Variants in LHPP observed in about 807,000 individuals in gnomAD.
LHPP encodes phospholysine phosphohistidine inorganic pyrophosphate phosphatase, also known as hLHPP.
Under a neutral mutation model 30.3 loss-of-function variants are expected in LHPP, and 24 were observed. That is an observed-to-expected ratio of 0.79 (90% CI 0.57 to 1.11). The LOEUF is 1.11. Among genes scored for constraint, LHPP ranks in the 50% most tolerant of loss-of-function variants. The probability of loss-of-function intolerance (pLI) is 0.00; values close to 1 mark genes in which losing one functional copy is unlikely to be tolerated. For synonymous variants in LHPP, 150 were observed against 157.1 expected (o/e 0.95, Z 0.34); for missense variants, 356 against 367.2 (o/e 0.97, Z 0.25).
At chr10:124,577,676 A>ACATGCACACATGTGGAAATACACATG (rs1948682160) in intron 6 of LHPP, among the ~76,000 whole-genome samples, 1 of 144,118 alleles carries the variant, frequency 6.9e-6, no homozygotes, top group African/African-American at 2.5e-5. Flanking sequence ...GTGCACACAT[A>ACATGCACACATGTGGAAATACACATG]CATGCACACA....
intron 1 of LHPP, among the ~76,000 whole-genome samples, chr10:124,482,640 C>T (rs112833458): frequency 0.09 from 13,646 of 151,966 alleles, 748 homozygotes; most frequent in Non-Finnish European, 0.11. Context: ...TGACCCACCC[C>T]GCCTGCCTCT....
At chr10:124,553,514 C>T (rs1054685442) in intron 6 of LHPP, among the ~76,000 whole-genome samples, 2 of 136,926 alleles carry the variant, frequency 1.5e-5, no homozygotes, top group East Asian at 2.2e-4. Flanking sequence ...GCTGGAGTGC[C>T]GTGGCACAAT....
chr10:124,496,544 AATT>A lies in LHPP; in HGVS notation c.468-412_468-410del. Among the ~76,000 whole-genome samples, 1 of 152,126 alleles carries A rather than the reference AATT, an allele frequency of 6.6e-6. No homozygotes were observed. The highest frequency in any genetic ancestry group is 2.1e-4 in the South Asian group (1 of 4,824). On this transcript the variant is annotated intron_variant, in intron 3 of 6. Coordinates refer to ENST00000368842, the MANE Select transcript of LHPP (RefSeq NM_022126.4). The surrounding 1 kb of genome is among the most constrained non-coding windows in gnomAD (Gnocchi z 4.3). ...CTTCTTCAGCCAGCAATTAGGGGTT[AATT>A]ATTAGCAATTAGGGGTTCGCCACAT...
chr10:124,548,127 A>G (rs543799283), intron 6 of LHPP, among the ~76,000 whole-genome samples: 1 of 152,272 alleles, frequency 6.6e-6, no homozygotes, highest in African/African-American at 2.4e-5. Flanking sequence ...CAGAAAACCT[A>G]CGTAAGCACT....
chr10:124,568,545 G>A (rs1331519489), intron 6 of LHPP, among the ~76,000 whole-genome samples: 3 of 152,306 alleles, frequency 2.0e-5, no homozygotes, highest in African/African-American at 7.2e-5. Context: ...GTGGAGAGGT[G>A]TGGCCACTTC....
At position 124,593,416 on chromosome 10, in the gene LHPP, A is replaced by C. The variant is rs777595061; in HGVS notation, c.717-19848A>C. 6.6e-6 allele frequency among the ~76,000 whole-genome samples: 1 copy of C among 152,036 alleles called. No individual in the cohort carries two copies. The highest frequency in any genetic ancestry group is 1.5e-5 in the Non-Finnish European group (1 of 67,996). ...TCAGTTTCCACACCTGAGATGGGAG[A>C]GGTTGCATCCTAAAGGCCCTCCATC... On this transcript the variant is annotated intron_variant, in intron 6 of 6. Coordinates refer to ENST00000368842, the MANE Select transcript of LHPP (RefSeq NM_022126.4). The surrounding 1 kb of genome is among the most constrained non-coding windows in gnomAD (Gnocchi z 4.9).
chr10:124,538,305 G>A (rs563228975), intron 6 of LHPP, among the ~76,000 whole-genome samples: 3 of 152,294 alleles, frequency 2.0e-5, no homozygotes, highest in African/African-American at 7.2e-5. Context: ...CCCTGGGCCT[G>A]AGCAGCTCCC....
rs142780120 is a variant in LHPP, at chr10:124,578,188, T to C, written c.717-35076T>C. ...GTCACCTCCAGGAAGCCTTCACAGG[T>C]TGCTCCCTGCTGATAGCCTTGACCT... On this transcript the variant is annotated intron_variant, in intron 6 of 6. Coordinates refer to ENST00000368842, the MANE Select transcript of LHPP (RefSeq NM_022126.4). Among the ~76,000 whole-genome samples the C allele has an allele frequency of 2.8e-4, 42 of 152,302 alleles. 2 individuals are homozygous for C. In the East Asian group the frequency reaches 7.9e-3, roughly 29 times the overall value.
At chr10:124,499,980 A>G (rs953684916) in intron 5 of LHPP, among the ~76,000 whole-genome samples, 1 of 152,054 alleles carries the variant, frequency 6.6e-6, no homozygotes, top group African/African-American at 2.4e-5. Context: ...TGTGTTTTGA[A>G]TGAGTGAGAA....
Position 124,594,394 on chromosome 10 carries a change from C to T in LHPP, c.717-18870C>T, listed in dbSNP as rs1341326633. Among the ~76,000 whole-genome samples, 9 of 149,330 alleles carry T rather than the reference C, an allele frequency of 6.0e-5. No homozygotes were observed. The East Asian group carries it at 1.2e-3, about 20-fold the overall frequency. On this transcript the variant is annotated intron_variant, in intron 6 of 6. Coordinates refer to ENST00000368842, the MANE Select transcript of LHPP (RefSeq NM_022126.4). ...CAAGGGAACTTAAAAGAAAAAAGTG[C>T]ATGTTTAGACAGTTGTTCATTTCCT...
intron 1 of LHPP, among the ~76,000 whole-genome samples, chr10:124,469,723 C>T (rs575848965): frequency 6.6e-6 from 1 of 152,096 alleles, no homozygotes; most frequent in African/African-American, 2.4e-5. Flanking sequence ...ACTAAAGACA[C>T]CATCCTAGGC....
At chr10:124,525,984 C>T (rs1589829661) in intron 6 of LHPP, among the ~76,000 whole-genome samples, 1 of 152,102 alleles carries the variant, frequency 6.6e-6, no homozygotes, top group South Asian at 2.1e-4. Flanking sequence ...AGAGTGAGGC[C>T]ACAAGGCCTG....
intron 1 of LHPP, among the ~76,000 whole-genome samples, chr10:124,483,067 A>G (rs1953193182): frequency 6.6e-6 from 1 of 151,970 alleles, no homozygotes; most frequent in African/African-American, 2.4e-5. Context: ...GCCCAGGTGC[A>G]GCCTGGATTC....
chr10:124,493,152 C>G (rs1953584163), intron 3 of LHPP, among the ~76,000 whole-genome samples: 1 of 150,250 alleles, frequency 6.7e-6, no homozygotes, highest in African/African-American at 2.4e-5. Flanking sequence ...TCGCTTTCAG[C>G]TTTGTAATAC....
At chr10:124,568,011 C>G (rs1948520303) in intron 6 of LHPP, among the ~76,000 whole-genome samples, 1 of 152,236 alleles carries the variant, frequency 6.6e-6, no homozygotes, top group Non-Finnish European at 1.5e-5. Flanking sequence ...CTCCCGGGTT[C>G]AAGCGATTCT....
intron 5 of LHPP, 153 bp downstream of exon 5, chr10:124,498,281 G>A (rs767522166): frequency 3.8e-6 from 6 of 1,558,514 alleles, no homozygotes; most frequent in East Asian, 4.6e-5. Context: ...CTGGGAAGGA[G>A]GGGGAAGACA....
intron 6 of LHPP, among the ~76,000 whole-genome samples, chr10:124,532,095 C>T (rs1954914670): frequency 6.6e-6 from 1 of 152,244 alleles, no homozygotes; most frequent in South Asian, 2.1e-4. Context: ...ACTGGCAGCC[C>T]CTTCAGGCTG....
At chr10:124,544,954 C>T (rs1589849678) in intron 6 of LHPP, among the ~76,000 whole-genome samples, 3 of 152,186 alleles carry the variant, frequency 2.0e-5, no homozygotes, top group South Asian at 4.1e-4. Flanking sequence ...CTTCCTTTCT[C>T]GGCTTGTCTG....
Position 124,596,544 on chromosome 10 carries a change from C to T in LHPP, c.717-16720C>T, listed in dbSNP as rs368413669. Among the ~76,000 whole-genome samples, 6 of 152,234 alleles carry T rather than the reference C, an allele frequency of 3.9e-5. No homozygotes were observed. The South Asian group carries it at 1.0e-3, about 26-fold the overall frequency. The stretch of plus-strand genomic sequence containing the variant: ...GTGGGCCGGCGCTCATAAGCAGTCC[C>T]GTGTGAATCCTTGGAGAGCTGTGGA... On this transcript the variant is annotated intron_variant, in intron 6 of 6. Coordinates refer to ENST00000368842, the MANE Select transcript of LHPP (RefSeq NM_022126.4). The surrounding 1 kb of genome is among the most constrained non-coding windows in gnomAD (Gnocchi z 4.6).
Sources: allele counts gnomAD v4.1 joint callset (sites outside exome capture counted in the v4.1 genomes callset), GRCh38; gene constraint gnomAD v4.1.1; non-coding constraint Gnocchi (gnomAD v3.1); transcripts MANE v1.5; gene names NCBI Gene and HGNC (gene_info 2026-07-23, HGNC 2026-07-21).